Variants in EPHA5 observed in about 807,000 individuals in gnomAD.
EPHA5 encodes the protein ephrin type-A receptor 5.
Under a neutral mutation model 105.0 loss-of-function variants are expected in EPHA5, and 60 were observed. The observed-to-expected ratio is 0.57, with a 90% CI of 0.46 to 0.71. The LOEUF (loss-of-function observed/expected upper bound fraction) is 0.71, where lower values mean the gene tolerates loss of function less well. EPHA5 is among the 30% of genes least tolerant of loss of function. The pLI is 0.00. For missense variants in EPHA5, 1,218 were observed against 1,274.7 expected, an observed-to-expected ratio of 0.96 and a Z score of 0.68; for synonymous variants, 513 against 449.1, an observed-to-expected ratio of 1.14 and a Z score of -1.80.
chr4:65,395,508 G>A (rs545573995), intron 8 of EPHA5, among the ~76,000 whole-genome samples: 9 of 152,174 alleles, frequency 5.9e-5, no homozygotes, highest in Admixed American at 1.3e-4. Context: ...AAAACCTACC[G>A]TTTTATACAA....
intron 3 of EPHA5, among the ~76,000 whole-genome samples, chr4:65,534,623 T>C (rs1736122590): frequency 6.6e-6 from 1 of 152,214 alleles, no homozygotes; most frequent in African/African-American, 2.4e-5. Context: ...TGATATTCCA[T>C]GCACATGCAT....
intron 3 of EPHA5, among the ~76,000 whole-genome samples, chr4:65,500,901 G>A (rs1213071707): frequency 6.6e-6 from 1 of 151,004 alleles, no homozygotes; most frequent in African/African-American, 2.4e-5. Flanking sequence ...TGTTTGCAGT[G>A]TACAAGATAT....
chr4:65,387,275 G>C lies in EPHA5; in HGVS notation c.1793+17099C>G, dbSNP rs1017927077. Among the ~76,000 whole-genome samples the C allele has an allele frequency of 1.6e-4, 25 of 152,032 alleles. 1 individual carries two copies. The highest frequency in any genetic ancestry group is 5.3e-4 in the African/African-American group (22 of 41,508). ...AGTCCTCCTTGGAGCTGGGGGCGCT[G>C]TCCAAAGGCTTGGATACACTGGAGC... is the stretch of plus-strand genomic sequence containing the variant. On this transcript the variant is annotated intron_variant, in intron 8 of 16. Transcript: ENST00000613740.
intron 3 of EPHA5, among the ~76,000 whole-genome samples, chr4:65,510,063 T>C (rs1400399970): frequency 6.7e-6 from 1 of 149,106 alleles, no homozygotes; most frequent in Non-Finnish European, 1.5e-5. Context: ...AGATGGAGTT[T>C]CACTCTTGTT....
intron 1 of EPHA5, among the ~76,000 whole-genome samples, chr4:65,652,058 T>G (rs1415419441): frequency 2.0e-5 from 3 of 152,172 alleles, no homozygotes; most frequent in African/African-American, 7.2e-5. Flanking sequence ...ATATTGTTTT[T>G]ATTCTAAAAA....
At chr4:65,353,254 T>A (rs945191544) in intron 11 of EPHA5, 151 bp from the exon 12 acceptor site, 16 of 83,612 alleles carry the variant, frequency 1.9e-4, no homozygotes, top group Admixed American at 1.4e-3. Context: ...AAATAAAATT[T>A]ATTAAATGAA....
chr4:65,557,684 T>C (rs35144647), intron 3 of EPHA5, among the ~76,000 whole-genome samples: 32,243 of 151,920 alleles, frequency 0.21, 3,532 homozygotes, highest in South Asian at 0.26. Flanking sequence ...GGGAGACAAG[T>C]ACACTTCAAG....
intron 3 of EPHA5, among the ~76,000 whole-genome samples, chr4:65,594,831 C>A (rs1448753085): frequency 6.6e-6 from 1 of 152,024 alleles, no homozygotes; most frequent in Non-Finnish European, 1.5e-5. Flanking sequence ...TATAAATAAA[C>A]TGAATTGTTT....
At chr4:65,511,240 A>G (rs1439244819) in intron 3 of EPHA5, among the ~76,000 whole-genome samples, 1 of 152,140 alleles carries the variant, frequency 6.6e-6, no homozygotes, top group African/African-American at 2.4e-5. Context: ...GAGATGTGGT[A>G]AGTAGGGTGT....
At chr4:65,608,714 A>G (rs1744477400) in intron 2 of EPHA5, among the ~76,000 whole-genome samples, 1 of 152,112 alleles carries the variant, frequency 6.6e-6, no homozygotes, top group Non-Finnish European at 1.5e-5. Flanking sequence ...ATATAGATCA[A>G]TTTTAGATCA....
At chr4:65,343,346 T>C (rs1721916276) in intron 14 of EPHA5, among the ~76,000 whole-genome samples, 1 of 152,130 alleles carries the variant, frequency 6.6e-6, no homozygotes, top group Admixed American at 6.5e-5. Context: ...CAGGTTTTCT[T>C]CCTGATGGAA....
intron 7 of EPHA5, among the ~76,000 whole-genome samples, chr4:65,408,283 G>A (rs1343721008): frequency 6.6e-6 from 1 of 152,004 alleles, no homozygotes; most frequent in Non-Finnish European, 1.5e-5. Context: ...TTAGCATATT[G>A]TTAAAATTTT....
At chr4:65,665,353 A>G (rs1218353881) in intron 1 of EPHA5, among the ~76,000 whole-genome samples, 1 of 152,008 alleles carries the variant, frequency 6.6e-6, no homozygotes, top group Non-Finnish European at 1.5e-5. Flanking sequence ...AAGCATAGTT[A>G]TTTTCTCAAT....
chr4:65,510,140 T>C (rs1383516568), intron 3 of EPHA5, among the ~76,000 whole-genome samples: 8 of 151,616 alleles, frequency 5.3e-5, no homozygotes, highest in Non-Finnish European at 1.0e-4. Flanking sequence ...GTTCAAGTGA[T>C]TCTCCTGCCT....
intron 8 of EPHA5, among the ~76,000 whole-genome samples, chr4:65,373,793 C>T (rs1479411445): frequency 6.6e-6 from 1 of 151,802 alleles, no homozygotes; most frequent in East Asian, 1.9e-4. Context: ...AAAATAGTGA[C>T]TGCTTTTCCC....
intron 2 of EPHA5, among the ~76,000 whole-genome samples, chr4:65,614,018 G>A (rs147299191): frequency 6.6e-6 from 1 of 151,720 alleles, no homozygotes; most frequent in African/African-American, 2.4e-5. Flanking sequence ...ATGTTTCTAC[G>A]AATGCCAAGA....
At chr4:65,558,955 A>G (rs1261712204) in intron 3 of EPHA5, among the ~76,000 whole-genome samples, 1 of 152,178 alleles carries the variant, frequency 6.6e-6, no homozygotes, top group African/African-American at 2.4e-5. Flanking sequence ...TAGTGAGCAT[A>G]GTACCCAACA....
chr4:65,320,435 A>G lies in EPHA5; in HGVS notation c.*3679T>C, dbSNP rs1490553706. On this transcript the variant is annotated 3_prime_UTR_variant, in exon 17 of 17. Coordinates refer to ENST00000613740, the MANE Select transcript of EPHA5 (RefSeq NM_001281766.3). ...ACATTAGCAAAGACAGTTTACTATCACACTTCTTTTTTTTCTTATTTTTAG... is the reference window on the plus strand; with the variant it reads ...ACATTAGCAAAGACAGTTTACTATCGCACTTCTTTTTTTTCTTATTTTTAG... 4.4e-6 allele frequency: 1 copy of G among 229,498 alleles called. No individual in the cohort carries two copies. Among genetic ancestry groups the G allele is most frequent in the Non-Finnish European group, 8.6e-6 (1 of 115,886 alleles). The allele number at this position is 229,498 out of a possible 1,614,324, so 14.2% of individuals were successfully genotyped here.
intron 5 of EPHA5, among the ~76,000 whole-genome samples, chr4:65,461,699 C>T (rs1417436242): frequency 6.6e-6 from 1 of 151,908 alleles, no homozygotes; most frequent in Admixed American, 6.6e-5. Context: ...CTTGCAACCT[C>T]AGAAGTAAAA....
Sources: allele counts gnomAD v4.1 joint callset (sites outside exome capture counted in the v4.1 genomes callset), GRCh38; gene constraint gnomAD v4.1.1; transcripts MANE v1.5; gene names NCBI Gene and HGNC (gene_info 2026-07-23, HGNC 2026-07-21).